Variants in RAB8B observed in about 807,000 individuals in gnomAD.
RAB8B encodes the protein ras-related protein Rab-8B.
In RAB8B, 11 loss-of-function variants were observed where a neutral mutation model predicts 32.0. That is an observed-to-expected ratio of 0.34 (90% CI 0.22 to 0.57). RAB8B has a LOEUF of 0.57. RAB8B is among the 20% of genes least tolerant of loss of function. RAB8B has a pLI of 0.86. For synonymous variants in RAB8B, 103 were observed against 89.6 expected, an observed-to-expected ratio of 1.15 and a Z score of -0.85; for missense variants, 190 against 258.5, an observed-to-expected ratio of 0.73 and a Z score of 1.82.
chr15:63,198,272 G>A (rs1031708847), intron 1 of RAB8B, among the ~76,000 whole-genome samples: 3 of 152,154 alleles, frequency 2.0e-5, no homozygotes, highest in African/African-American at 7.2e-5. Context: ...TGTCCTACTT[G>A]TAGCATTTAG....
rs921776296 is a variant in RAB8B at position 63,256,525 on chromosome 15, A to T, written c.345A>T (p.Glu115Asp). The change falls in exon 5 of 8, where the codon GAA becomes GAT. Residue 115 changes from glutamate to aspartate, a missense_variant. This residue lies in a region of RAB8B where 110 missense variants were observed against 115.9 expected (regional missense o/e 0.95). Coordinates refer to ENST00000321437, the MANE Select transcript of RAB8B (RefSeq NM_016530.3). ...NIEEHASSDVERMILGNKCDM... is the reference protein window; with the variant it reads ...NIEEHASSDVDRMILGNKCDM... ...TGCAGCATGCCTCTTCCGATGTCGA[A>T]AGAATGATCCTGGGTAACAAATGTG... 1 of 1,602,116 alleles carries T rather than the reference A, an allele frequency of 6.2e-7. No homozygotes were observed. Among genetic ancestry groups the T allele is most frequent in the Non-Finnish European group, 8.5e-7 (1 of 1,176,522 alleles).
At chr15:63,219,004 A>ATTTTTTTTTTTTTTTTTTTTTT (rs71131152) in intron 1 of RAB8B, among the ~76,000 whole-genome samples, 1 of 94,670 alleles carries the variant, frequency 1.1e-5, no homozygotes, top group Non-Finnish European at 2.0e-5. Context: ...CCAGCAGTGG[A>ATTTTTTTTTTTTTTTTTTTTTT]TTTTTTTTTT....
Position 63,266,966 on chromosome 15 carries a change from A to G in RAB8B, c.*3347A>G, listed in dbSNP as rs1187197085. 3 of 152,586 alleles carry G rather than the reference A, an allele frequency of 2.0e-5. No individual in the cohort carries two copies. The highest frequency in any genetic ancestry group is 7.2e-5 in the African/African-American group (3 of 41,436). 9.5% of individuals were successfully genotyped at this position (152,586 alleles called of 1,614,324 possible). On this transcript the variant is annotated 3_prime_UTR_variant, in exon 8 of 8. Coordinates refer to ENST00000321437, the MANE Select transcript of RAB8B (RefSeq NM_016530.3). Reference sequence around the variant, plus strand: ...CATTTCATTATGTTGGTTAATTATTATAAATTTTAAGCACTCATTTCTGCA... The same window carrying G: ...CATTTCATTATGTTGGTTAATTATTGTAAATTTTAAGCACTCATTTCTGCA...
chr15:63,249,499 A>G, intron 2 of RAB8B, 146 bp from the exon 3 acceptor site: 2 of 659,098 alleles, frequency 3.0e-6, no homozygotes, highest in South Asian at 2.0e-5. Context: ...GCAGATGTGC[A>G]AAGGGCTCCC....
At position 63,258,383 on chromosome 15, in the gene RAB8B, G is replaced by A. The variant is rs150860082; in HGVS notation, c.415-1244G>A. On this transcript the variant is annotated intron_variant, in intron 5 of 7. Coordinates refer to ENST00000321437, the MANE Select transcript of RAB8B (RefSeq NM_016530.3). ...CTCCCAAAGTGCTGGGATTACAGGCGTGAGCCACCACACCCGGCCTAAAAG... is the reference window on the plus strand; with the variant it reads ...CTCCCAAAGTGCTGGGATTACAGGCATGAGCCACCACACCCGGCCTAAAAG... Among the ~76,000 whole-genome samples, 459 of 152,258 alleles carry A rather than the reference G, an allele frequency of 3.0e-3. 5 individuals carry two copies. Among genetic ancestry groups the A allele is most frequent in the African/African-American group, 0.011 (443 of 41,568 alleles).
chr15:63,209,466 C>T (rs367995314), intron 1 of RAB8B, among the ~76,000 whole-genome samples: 6 of 152,074 alleles, frequency 3.9e-5, no homozygotes, highest in East Asian at 1.9e-4. Flanking sequence ...TGGCAGGCAC[C>T]TGTAATCCCA....
At chr15:63,247,351 G>C (rs982195068) in intron 2 of RAB8B, among the ~76,000 whole-genome samples, 3 of 152,188 alleles carry the variant, frequency 2.0e-5, no homozygotes, top group Non-Finnish European at 4.4e-5. Context: ...TCCCAACTCT[G>C]ATGTTGCAAT....
intron 1 of RAB8B, among the ~76,000 whole-genome samples, chr15:63,203,636 G>A (rs2037670948): frequency 2.0e-5 from 3 of 152,198 alleles, no homozygotes; most frequent in African/African-American, 7.2e-5. Flanking sequence ...AGTGCTTACT[G>A]TATACCAAAT....
chr15:63,227,633 C>T (rs2037899954), intron 1 of RAB8B, among the ~76,000 whole-genome samples: 1 of 152,214 alleles, frequency 6.6e-6, no homozygotes. Flanking sequence ...GCTCTGTCCA[C>T]CCAGGAACCC....
At chr15:63,249,381 G>T (rs1166788874) in intron 2 of RAB8B, among the ~76,000 whole-genome samples, 1 of 152,068 alleles carries the variant, frequency 6.6e-6, no homozygotes, top group Non-Finnish European at 1.5e-5. Flanking sequence ...TTCCTAGCAG[G>T]ATTTTTCTGT....
At chr15:63,241,932 CTGAGTTT>C (rs2038035518) in intron 1 of RAB8B, among the ~76,000 whole-genome samples, 1 of 151,784 alleles carries the variant, frequency 6.6e-6, no homozygotes, top group African/African-American at 2.4e-5. Context: ...TGCTGAGTTG[CTGAGTTT>C]TGTGTCACCT....
At chr15:63,190,876 C>T (rs138531274) in intron 1 of RAB8B, among the ~76,000 whole-genome samples, 1 of 152,352 alleles carries the variant, frequency 6.6e-6, no homozygotes, top group African/African-American at 2.4e-5. Flanking sequence ...AAGTGAATCA[C>T]AACATGTGAT....
intron 3 of RAB8B, among the ~76,000 whole-genome samples, chr15:63,253,075 A>G (rs2152581862): frequency 6.6e-6 from 1 of 152,332 alleles, no homozygotes; most frequent in South Asian, 2.1e-4. Context: ...AATTATTTAC[A>G]TGGAAACAAT....
At chr15:63,217,610 G>T (rs1225896434) in intron 1 of RAB8B, among the ~76,000 whole-genome samples, 1 of 152,144 alleles carries the variant, frequency 6.6e-6, no homozygotes, top group Non-Finnish European at 1.5e-5. Context: ...CTTGAGAAGA[G>T]TTTCATTCAG....
intron 1 of RAB8B, among the ~76,000 whole-genome samples, chr15:63,222,116 G>C (rs2037849467): frequency 6.6e-6 from 1 of 152,348 alleles, no homozygotes; most frequent in East Asian, 1.9e-4. Context: ...GAGAAACCAA[G>C]ATATTTCTCT....
intron 1 of RAB8B, chr15:63,223,215 G>A (rs1429864531): frequency 2.8e-5 from 10 of 361,294 alleles, no homozygotes; most frequent in South Asian, 1.5e-4. Flanking sequence ...GGGTTCAAGC[G>A]ATTCTCCTGC....
intron 1 of RAB8B, among the ~76,000 whole-genome samples, chr15:63,208,206 G>A (rs934443418): frequency 1.3e-5 from 2 of 152,104 alleles, no homozygotes; most frequent in African/African-American, 4.8e-5. Context: ...GTTTTTTACA[G>A]GAATCCTAAA....
chr15:63,197,460 G>A (rs1163057155), intron 1 of RAB8B, among the ~76,000 whole-genome samples: 3 of 135,268 alleles, frequency 2.2e-5, no homozygotes, highest in South Asian at 5.0e-4. Context: ...TGCAACCTCC[G>A]CCTCCTGGTC....
intron 1 of RAB8B, among the ~76,000 whole-genome samples, chr15:63,202,089 T>TAAAAAAAAAA (rs146981058): frequency 2.1e-4 from 18 of 85,746 alleles, no homozygotes; most frequent in Non-Finnish European, 2.6e-4. Flanking sequence ...CCGTCTCTAC[T>TAAAAAAAAAA]AAAAAAAAAA....
Sources: allele counts gnomAD v4.1 joint callset (sites outside exome capture counted in the v4.1 genomes callset), GRCh38; gene constraint gnomAD v4.1.1; regional missense constraint gnomAD v4.1.1; transcripts MANE v1.5; gene names NCBI Gene and HGNC (gene_info 2026-07-23, HGNC 2026-07-21).